SPIDR: variants seen among roughly 807,000 people sequenced by gnomAD.
The protein encoded by SPIDR is scaffold protein involved in DNA repair, also known as DNA repair-scaffolding protein.
A neutral mutation model predicts 104.6 loss-of-function variants in SPIDR; 93 were observed. That is an observed-to-expected ratio of 0.89 (90% CI 0.75 to 1.06). The LOEUF (loss-of-function observed/expected upper bound fraction) is 1.06, where lower values mean the gene tolerates loss of function less well. Among genes scored for constraint, SPIDR ranks in the 50% least tolerant of loss-of-function variants. The pLI, the probability that SPIDR is intolerant of heterozygous loss-of-function variation, is 0.00. For missense variants in SPIDR, 1,154 were observed against 1,111.2 expected (o/e 1.04, Z -0.55); for synonymous variants, 431 against 416.9 (o/e 1.03, Z -0.41).
At chr8:47,703,338 C>G (rs148069023) in intron 14 of SPIDR, among the ~76,000 whole-genome samples, 1,695 of 152,334 alleles carry the variant, frequency 0.011, 15 homozygotes, top group Non-Finnish European at 0.019. Context: ...GAATATGTTT[C>G]ATAACTTCTA....
chr8:47,651,143 A>G (rs1043378561), intron 10 of SPIDR, among the ~76,000 whole-genome samples: 1 of 152,202 alleles, frequency 6.6e-6, no homozygotes, highest in Admixed American at 6.5e-5. Context: ...AGAAATAATC[A>G]TCAAACAGAC....
chr8:47,695,143 A>G (rs2079155908), intron 11 of SPIDR, among the ~76,000 whole-genome samples: 1 of 152,092 alleles, frequency 6.6e-6, no homozygotes. Flanking sequence ...TGGAAGTGAG[A>G]AAGAAAAATA....
At chr8:47,491,912 C>T (rs1387867872) in intron 8 of SPIDR, among the ~76,000 whole-genome samples, 6 of 152,088 alleles carry the variant, frequency 3.9e-5, no homozygotes, top group Non-Finnish European at 2.9e-5. Context: ...GATCCTATGC[C>T]GAGGTCTCTA....
intron 10 of SPIDR, among the ~76,000 whole-genome samples, chr8:47,652,112 A>G (rs1475891052): frequency 6.6e-6 from 1 of 152,240 alleles, no homozygotes; most frequent in East Asian, 1.9e-4. Context: ...AAAGCTATTG[A>G]AATTTTTAAA....
At chr8:47,714,651 G>C (rs977690001) in intron 16 of SPIDR, among the ~76,000 whole-genome samples, 9 of 152,286 alleles carry the variant, frequency 5.9e-5, no homozygotes, top group African/African-American at 2.2e-4. Context: ...CGCCTTGAGG[G>C]TGTATGCGTT....
chr8:47,713,708 C>A, intron 16 of SPIDR, 67 bp downstream of exon 16: 1 of 1,576,390 alleles, frequency 6.3e-7, no homozygotes, highest in Non-Finnish European at 8.6e-7. Context: ...TATTCATTTA[C>A]TCATTTATTC....
chr8:47,506,348 AAAT>A (rs2081476089), intron 8 of SPIDR, among the ~76,000 whole-genome samples: 1 of 152,204 alleles, frequency 6.6e-6, no homozygotes, highest in East Asian at 1.9e-4. Context: ...TCCCGTATAG[AAAT>A]AATGAGGGTC....
chr8:47,467,487 G>A (rs984225423), intron 8 of SPIDR, among the ~76,000 whole-genome samples: 3 of 151,994 alleles, frequency 2.0e-5, no homozygotes, highest in African/African-American at 4.8e-5. Flanking sequence ...AACTGAGTCC[G>A]CAACACATCA....
intron 5 of SPIDR, among the ~76,000 whole-genome samples, chr8:47,330,280 A>G (rs1199250555): frequency 6.6e-5 from 10 of 152,010 alleles, no homozygotes; most frequent in African/African-American, 2.4e-4. Context: ...CCTCCCCCAC[A>G]TATGCATAGC....
At chr8:47,556,520 A>G (rs1385077439) in intron 8 of SPIDR, among the ~76,000 whole-genome samples, 4 of 152,198 alleles carry the variant, frequency 2.6e-5, no homozygotes, top group Non-Finnish European at 4.4e-5. Flanking sequence ...ATTTAAATCT[A>G]CAGGTGGATA....
intron 10 of SPIDR, chr8:47,660,402 T>G: frequency 1.0e-6 from 1 of 968,518 alleles, no homozygotes; most frequent in Non-Finnish European, 1.2e-6. Flanking sequence ...GAATGTGGTT[T>G]CATCTGGCAC....
At chr8:47,289,136 A>G (rs587732456) in intron 3 of SPIDR, among the ~76,000 whole-genome samples, 1 of 152,132 alleles carries the variant, frequency 6.6e-6, no homozygotes, top group South Asian at 2.1e-4. Flanking sequence ...TCAGACTCCC[A>G]AGTAGCTGGG....
At chr8:47,648,292 AC>A (rs1481727214) in intron 10 of SPIDR, among the ~76,000 whole-genome samples, 1 of 152,230 alleles carries the variant, frequency 6.6e-6, no homozygotes, top group Non-Finnish European at 1.5e-5. Context: ...GAATGGTGAT[AC>A]CATTAAACGA....
chr8:47,603,490 C>T (rs2062556471), intron 10 of SPIDR, among the ~76,000 whole-genome samples: 1 of 151,948 alleles, frequency 6.6e-6, no homozygotes, highest in South Asian at 2.1e-4. Flanking sequence ...ACCTCCTGGG[C>T]TCGAGCAGTC....
chr8:47,674,331 A>C (rs1157732752), intron 11 of SPIDR, among the ~76,000 whole-genome samples: 1 of 152,208 alleles, frequency 6.6e-6, no homozygotes, highest in African/African-American at 2.4e-5. Flanking sequence ...CAAAATTCTT[A>C]AGTTGTCATG....
intron 16 of SPIDR, among the ~76,000 whole-genome samples, chr8:47,714,791 A>G (rs1381952419): frequency 6.6e-6 from 1 of 152,134 alleles, no homozygotes; most frequent in Non-Finnish European, 1.5e-5. Flanking sequence ...TCATATGAAT[A>G]AACTCTTCCT....
At position 47,511,867 on chromosome 8, in the gene SPIDR, C is replaced by G. The variant is rs146121210; in HGVS notation, c.1097+71325C>G. ...TCTCTCTGAGGCCCCGGCATAAAAC[C>G]TCTGGCCTTCCTCCTCTTCCTCATC... On this transcript the variant is annotated intron_variant, in intron 8 of 19. Transcript: ENST00000297423. 8.5e-3 allele frequency: 6,975 copies of G among 824,566 alleles called. 40 individuals are homozygous for G. The highest frequency in any genetic ancestry group is 0.011 in the Non-Finnish European group (5,085 of 460,162). The allele number at this position is 824,566 out of a possible 1,614,324, so 51.1% of individuals were successfully genotyped here. A position where few individuals can be genotyped will look rare whatever the true frequency, so the allele number is the denominator to read the frequency against.
chr8:47,671,960 C>T (rs957456369), intron 10 of SPIDR, among the ~76,000 whole-genome samples: 2 of 151,880 alleles, frequency 1.3e-5, no homozygotes, highest in East Asian at 1.9e-4. Context: ...CTTTTTCCCC[C>T]CTTTGTTTTT....
At chr8:47,385,287 G>A (rs1180772797) in intron 5 of SPIDR, among the ~76,000 whole-genome samples, 2 of 151,964 alleles carry the variant, frequency 1.3e-5, no homozygotes, top group Non-Finnish European at 2.9e-5. Context: ...CATTAGTTTT[G>A]TAATTTTCTG....
Sources: gnomAD v4.1 joint callset for allele counts (sites outside exome capture counted in the v4.1 genomes callset) on GRCh38, gnomAD v4.1.1 for gene constraint, MANE v1.5 for transcripts, NCBI Gene and HGNC (gene_info 2026-07-23, HGNC 2026-07-21) for gene names.